The following DGKI variants were observed in gnomAD, a reference collection of about 807,000 sequenced individuals.
The protein encoded by DGKI is diacylglycerol kinase iota, also known as DAG kinase iota.
DGKI carries 55 observed loss-of-function variants against 147.5 expected under a neutral mutation model. The ratio of observed to expected loss-of-function variants is 0.37; its 90% CI spans 0.30 to 0.47. DGKI has a LOEUF of 0.47. Among genes scored for constraint, DGKI ranks in the 20% least tolerant of loss-of-function variants. The pLI is 1.00. For missense variants in DGKI, 1,007 were observed against 1,323.8 expected (o/e 0.76, Z 3.71); for synonymous variants, 469 against 477.1 (o/e 0.98, Z 0.22).
At chr7:137,677,722 AT>A (rs869060828) in intron 3 of DGKI, among the ~76,000 whole-genome samples, 2 of 152,182 alleles carry the variant, frequency 1.3e-5, no homozygotes, top group African/African-American at 2.4e-5. Flanking sequence ...ATAAACAAAT[AT>A]TTTTTTAAAA....
chr7:137,789,727 G>A (rs574090433), intron 1 of DGKI, among the ~76,000 whole-genome samples: 144 of 152,228 alleles, frequency 9.5e-4, no homozygotes, highest in Middle Eastern at 6.8e-3. Context: ...ACGGAGAAGC[G>A]CAATTCTGTA....
intron 32 of DGKI, among the ~76,000 whole-genome samples, chr7:137,394,193 C>T (rs986801604): frequency 2.0e-5 from 3 of 152,188 alleles, no homozygotes; most frequent in Non-Finnish European, 4.4e-5. Flanking sequence ...GTCCAACCCA[C>T]AGCCCGCAAG....
intron 17 of DGKI, among the ~76,000 whole-genome samples, chr7:137,574,171 C>T (rs1220496515): frequency 1.3e-5 from 2 of 152,184 alleles, no homozygotes; most frequent in African/African-American, 4.8e-5. Context: ...GATCTCCATA[C>T]AGCCTAATTT....
intron 21 of DGKI, among the ~76,000 whole-genome samples, chr7:137,507,765 G>A (rs952615562): frequency 1.3e-5 from 2 of 152,060 alleles, no homozygotes; most frequent in Admixed American, 6.5e-5. Context: ...GAGGAGGAGG[G>A]GAGTACATGA....
At chr7:137,808,845 C>T (rs769552903) in intron 1 of DGKI, among the ~76,000 whole-genome samples, 5 of 152,282 alleles carry the variant, frequency 3.3e-5, no homozygotes, top group Middle Eastern at 3.4e-3. Flanking sequence ...AGAAGCCTGG[C>T]GTGGCTGGAA....
intron 27 of DGKI, among the ~76,000 whole-genome samples, chr7:137,446,516 A>G (rs1813721979): frequency 6.6e-6 from 1 of 152,146 alleles, no homozygotes; most frequent in Non-Finnish European, 1.5e-5. Flanking sequence ...ACCTGAGGTC[A>G]GGATTTTGAA....
In DGKI at chr7:137,577,240, G is replaced by T; in HGVS notation, c.1743C>A (p.Ser581=). The change falls in exon 17 of 33, where the codon TCC becomes TCA. Residue 581 remains serine (S), a synonymous_variant. Coordinates refer to ENST00000614521, the MANE Select transcript of DGKI (RefSeq NM_001321708.2). ...TACTTACAACAACTTTAACATGTTTGGATAGATCTCTAGAACTTCTCTGTA... is the reference window on the plus strand; with the variant it reads ...TACTTACAACAACTTTAACATGTTTTGATAGATCTCTAGAACTTCTCTGTA... ...DFLQRSSRDL[S]KHVKVVCDGT... 6.3e-7 allele frequency: 1 copy of T among 1,597,682 alleles called. No homozygotes were observed. Among genetic ancestry groups the T allele is most frequent in the South Asian group, 1.1e-5 (1 of 89,160 alleles).
At chr7:137,761,515 C>T (rs1361284561) in intron 1 of DGKI, among the ~76,000 whole-genome samples, 1 of 152,164 alleles carries the variant, frequency 6.6e-6, no homozygotes. Context: ...TCATTAATGA[C>T]TATTTTCTTA....
At chr7:137,763,438 T>C (rs1014619592) in intron 1 of DGKI, among the ~76,000 whole-genome samples, 2 of 152,244 alleles carry the variant, frequency 1.3e-5, no homozygotes, top group African/African-American at 4.8e-5. Flanking sequence ...CATGCTGCTT[T>C]GGCTTAACAT....
chr7:137,619,693 TA>T, intron 8 of DGKI, 130 bp downstream of exon 8: 8 of 693,646 alleles, frequency 1.2e-5, no homozygotes, highest in Non-Finnish European at 2.0e-5. Flanking sequence ...CTGAGGAAGC[TA>T]AGCACAGGGC....
chr7:137,469,075 T>C (rs192585244), intron 24 of DGKI, among the ~76,000 whole-genome samples: 2 of 152,220 alleles, frequency 1.3e-5, no homozygotes, highest in African/African-American at 2.4e-5. Flanking sequence ...CAATATATCA[T>C]GCGGATCTGA....
intron 1 of DGKI, among the ~76,000 whole-genome samples, chr7:137,729,333 C>T (rs1310651513): frequency 6.6e-6 from 1 of 152,036 alleles, no homozygotes; most frequent in African/African-American, 2.4e-5. Flanking sequence ...GCTGGTAGAC[C>T]AGCAGCTGGG....
intron 20 of DGKI, among the ~76,000 whole-genome samples, chr7:137,522,354 A>G (rs998742179): frequency 6.6e-6 from 1 of 152,098 alleles, no homozygotes; most frequent in African/African-American, 2.4e-5. Context: ...ACATCACAGT[A>G]AGACATGGTC....
chr7:137,508,125 A>C (rs781098998), intron 21 of DGKI, among the ~76,000 whole-genome samples: 2 of 152,092 alleles, frequency 1.3e-5, no homozygotes, highest in Non-Finnish European at 2.9e-5. Context: ...GGTAGATACT[A>C]ATAGGTTTCC....
chr7:137,749,170 TTAAGA>T (rs1795426704), intron 1 of DGKI, among the ~76,000 whole-genome samples: 1 of 152,196 alleles, frequency 6.6e-6, no homozygotes, highest in Admixed American at 6.5e-5. Context: ...AACCAGATTC[TTAAGA>T]TAACTCAGAC....
rs145013544 is a variant in DGKI, at chr7:137,716,741, T to C, written c.402-26739A>G. Among the ~76,000 whole-genome samples, 16 of 152,350 alleles carry C rather than the reference T, an allele frequency of 1.1e-4. 1 individual carries two copies. The highest frequency in any genetic ancestry group is 2.0e-4 in the Admixed American group (3 of 15,306). On this transcript the variant is annotated intron_variant, in intron 1 of 32. Coordinates refer to ENST00000614521, the MANE Select transcript of DGKI (RefSeq NM_001321708.2). ...CTGTGCAAAATACCTTCTGTCCGAA[T>C]TCCCCAAGATCAAGGTAGGCACCTC...
intron 2 of DGKI, among the ~76,000 whole-genome samples, chr7:137,689,278 G>A (rs1052954949): frequency 6.6e-6 from 1 of 152,112 alleles, no homozygotes; most frequent in Non-Finnish European, 1.5e-5. Flanking sequence ...ACAGTTACTC[G>A]GCCAAGAACT....
rs1197827223 is a variant in DGKI, at chr7:137,463,499, G to A, written c.2725C>T (p.Arg909Cys). 14 of 1,613,916 alleles carry A rather than the reference G, an allele frequency of 8.7e-6. No homozygotes were observed. The highest frequency in any genetic ancestry group is 6.7e-5 in the African/African-American group (5 of 74,910). ...CAAGAGAACTCTTACTGTAGCACGC[G>A]GGAGTGGCTGAGATCTTTCAGATCT... ...DSDLKDLSHS[R>C]VLQSPVSSED... Residue 909 changes from arginine to cysteine, a missense_variant, in exon 27 of 33, where the codon CGC (arginine) becomes TGC (cysteine). Physicochemically the swap from Arg to Cys is radical, Grantham distance 180. This residue lies in a region of DGKI where 385 missense variants were observed against 445.2 expected (regional missense o/e 0.86). Transcript: ENST00000614521.
intron 6 of DGKI, among the ~76,000 whole-genome samples, chr7:137,638,517 TATATATA>T (rs1256360701): frequency 1.7e-5 from 2 of 116,448 alleles, no homozygotes; most frequent in Non-Finnish European, 3.4e-5. Flanking sequence ...TATATGTGTG[TATATATA>T]TACACACACA....
Sources: allele counts gnomAD v4.1 joint callset (sites outside exome capture counted in the v4.1 genomes callset), GRCh38; gene constraint gnomAD v4.1.1; regional missense constraint gnomAD v4.1.1; transcripts MANE v1.5; gene names NCBI Gene and HGNC (gene_info 2026-07-23, HGNC 2026-07-21).